The following FXN variants were observed in gnomAD, a reference collection of about 807,000 sequenced individuals.
FXN encodes the protein frataxin, mitochondrial.
FXN carries 14 observed loss-of-function variants against 22.4 expected under a neutral mutation model. That is an observed-to-expected ratio of 0.62 (90% CI 0.41 to 0.98). The LOEUF is 0.98. Ranked by LOEUF, FXN falls within the 50% of genes least tolerant of loss-of-function variation. The probability of loss-of-function intolerance (pLI) is 0.00; values close to 1 mark genes in which losing one functional copy is unlikely to be tolerated. For missense variants in FXN, 267 were observed against 268.4 expected, an observed-to-expected ratio of 0.99 and a Z score of 0.04; for synonymous variants, 120 against 114.1, an observed-to-expected ratio of 1.05 and a Z score of -0.33.
At chr9:69,068,542 C>G (rs1832216094) in intron 4 of FXN, among the ~76,000 whole-genome samples, 1 of 152,228 alleles carries the variant, frequency 6.6e-6, no homozygotes, top group African/African-American at 2.4e-5. Flanking sequence ...CCACGACATG[C>G]CAACTCAGCT....
chr9:69,067,929 G>T (rs567212428), intron 4 of FXN, among the ~76,000 whole-genome samples: 1 of 152,320 alleles, frequency 6.6e-6, no homozygotes, highest in East Asian at 1.9e-4. Flanking sequence ...TCAGAATAGA[G>T]TCAACAAGAA....
At chr9:69,037,590 G>C (rs1329936186) in intron 1 of FXN, among the ~76,000 whole-genome samples, 2 of 152,312 alleles carry the variant, frequency 1.3e-5, no homozygotes, top group Non-Finnish European at 2.9e-5. Context: ...TTATTACTTG[G>C]CTTCTGTGCA....
chr9:69,042,299 C>A (rs1028962126), intron 1 of FXN, among the ~76,000 whole-genome samples: 2 of 151,902 alleles, frequency 1.3e-5, no homozygotes, highest in African/African-American at 4.8e-5. Context: ...GCTTTGCCTC[C>A]CTCAAGCAGA....
intron 3 of FXN, among the ~76,000 whole-genome samples, chr9:69,063,287 T>C (rs1007651214): frequency 6.6e-6 from 1 of 152,210 alleles, no homozygotes; most frequent in African/African-American, 2.4e-5. Flanking sequence ...CTTCATCTTA[T>C]AGAAAGAACA....
At chr9:69,066,422 C>T (rs1458287555) in intron 4 of FXN, among the ~76,000 whole-genome samples, 1 of 152,126 alleles carries the variant, frequency 6.6e-6, no homozygotes, top group African/African-American at 2.4e-5. Flanking sequence ...AAGAAGTGTG[C>T]TAGAGTTCAA....
intron 1 of FXN, among the ~76,000 whole-genome samples, chr9:69,041,161 C>A (rs1831651264): frequency 6.6e-6 from 1 of 152,218 alleles, no homozygotes; most frequent in Non-Finnish European, 1.5e-5. Flanking sequence ...CTGGAGGAAT[C>A]TGCCAGCCCG....
chr9:69,053,507 G>GGATGGATGGATGGATGGATAGATA (rs1191286626), intron 3 of FXN, among the ~76,000 whole-genome samples: 1 of 150,664 alleles, frequency 6.6e-6, no homozygotes, highest in African/African-American at 2.5e-5. Flanking sequence ...ATGGATGGAT[G>GGATGGATGGATGGATGGATAGATA]GATAGATAGA....
At chr9:69,048,279 TG>T (rs1831795075) in intron 2 of FXN, among the ~76,000 whole-genome samples, 1 of 152,186 alleles carries the variant, frequency 6.6e-6, no homozygotes, top group African/African-American at 2.4e-5. Context: ...TCCCTTGTTT[TG>T]GCTCAATGGG....
At position 69,035,762 on chromosome 9, in the gene FXN, G is replaced by A. The variant is rs1172150715; in HGVS notation, c.-21G>A. Reference sequence around the variant, plus strand: ...AGCACCCAGCGCTGGAGGGCGGAGCGGGCGGCAGACCCGGAGCAGCATGTG... The same window carrying A: ...AGCACCCAGCGCTGGAGGGCGGAGCAGGCGGCAGACCCGGAGCAGCATGTG... On this transcript the variant is annotated 5_prime_UTR_variant, in exon 1 of 5. Coordinates refer to ENST00000484259, the MANE Select transcript of FXN (RefSeq NM_000144.5). The A allele has an allele frequency of 4.0e-6, 6 of 1,495,390 alleles. No homozygotes were observed. The highest frequency in any genetic ancestry group is 3.5e-6 in the Non-Finnish European group (4 of 1,127,918). The allele number at this position is 1,495,390 out of a possible 1,614,324, so 92.6% of individuals were successfully genotyped here. A position where few individuals can be genotyped will look rare whatever the true frequency, so the allele number is the denominator to read the frequency against.
intron 2 of FXN, among the ~76,000 whole-genome samples, chr9:69,048,912 CCA>C (rs1364295772): frequency 6.6e-6 from 1 of 152,198 alleles, no homozygotes; most frequent in Non-Finnish European, 1.5e-5. Flanking sequence ...ATTGACTTTG[CCA>C]CAGTCTCAAA....
chr9:69,055,836 C>A (rs901801812), intron 3 of FXN, among the ~76,000 whole-genome samples: 1 of 150,916 alleles, frequency 6.6e-6, no homozygotes, highest in Non-Finnish European at 1.5e-5. Context: ...GAAAAAGTCA[C>A]AAATATATTT....
At chr9:69,039,501 GC>G (rs1305724879) in intron 1 of FXN, among the ~76,000 whole-genome samples, 1 of 130,692 alleles carries the variant, frequency 7.7e-6, no homozygotes, top group Non-Finnish European at 1.8e-5. Context: ...CAGCCCCACA[GC>G]CCCCAGCCCC....
intron 2 of FXN, among the ~76,000 whole-genome samples, chr9:69,051,400 C>T (rs528004415): frequency 2.4e-4 from 37 of 151,850 alleles, no homozygotes; most frequent in Non-Finnish European, 5.1e-4. Context: ...GCTCTTGATA[C>T]GATCTGTCTC....
rs1392880712 is a variant in FXN at position 69,035,828 on chromosome 9, C to T, written c.46C>T (p.Pro16Ser). Residue 16 changes from proline to serine, a missense_variant, in exon 1 of 5, where the codon CCC becomes TCC. Transcript: ENST00000484259. The stretch of plus-strand genomic sequence containing the variant: ...CGCAGTAGCCGGCCTCCTGGCGTCA[C>T]CCAGCCCAGCCCAGGCCCAGACCCT... ...RRAVAGLLASPSPAQAQTLTR... is the reference protein window; with the variant it reads ...RRAVAGLLASSSPAQAQTLTR... 1.3e-6 allele frequency: 2 copies of T among 1,513,046 alleles called. No homozygotes were observed. Among genetic ancestry groups the T allele is most frequent in the East Asian group, 2.6e-5 (1 of 38,692 alleles). 93.7% of individuals were successfully genotyped at this position (1,513,046 alleles called of 1,614,324 possible).
chr9:69,043,343 C>T (rs1831691099), intron 1 of FXN: 1 of 152,180 alleles, frequency 6.6e-6, no homozygotes, highest in Admixed American at 6.5e-5. Flanking sequence ...ATGTTCCTTA[C>T]AGAGAAAATG....
At chr9:69,042,362 C>G (rs1268774365) in intron 1 of FXN, among the ~76,000 whole-genome samples, 1 of 152,054 alleles carries the variant, frequency 6.6e-6, no homozygotes. Context: ...TCACCTAGTT[C>G]TCCATTCTTT....
intron 3 of FXN, among the ~76,000 whole-genome samples, chr9:69,053,774 C>T (rs1831904613): frequency 6.6e-6 from 1 of 152,044 alleles, no homozygotes; most frequent in African/African-American, 2.4e-5. Context: ...AGATAACTGC[C>T]CAAAAGTTAT....
chr9:69,072,561 C>T lies in FXN; in HGVS notation c.483-51C>T, dbSNP rs534771399. The T allele has an allele frequency of 6.2e-6, 10 of 1,612,624 alleles. No homozygotes were observed. The South Asian group carries it at 1.1e-4, about 18-fold the overall frequency. On this transcript the variant is annotated intron_variant, in intron 4 of 4. Coordinates refer to ENST00000484259, the MANE Select transcript of FXN (RefSeq NM_000144.5). ...GGCAGCATTTGTGGAATCAGTGGTT[C>T]ATCTGAAGGGCTGTGCTGTGGAATT... is the stretch of plus-strand genomic sequence containing the variant.
rs1832303005 is a variant in FXN, at chr9:69,073,057, T to C, written c.*295T>C. On this transcript the variant is annotated 3_prime_UTR_variant, in exon 5 of 5. Coordinates refer to ENST00000484259, the MANE Select transcript of FXN (RefSeq NM_000144.5). ...TGCCTATACCTGAATATAACAACCT[T>C]TAAAAAAGCAAAATAATAAGAAGGA... The C allele has an allele frequency of 1.6e-6, 2 of 1,241,580 alleles. No homozygotes were observed. Among genetic ancestry groups the C allele is most frequent in the Non-Finnish European group, 2.0e-6 (2 of 988,844 alleles). 76.9% of individuals were successfully genotyped at this position (1,241,580 alleles called of 1,614,324 possible). A position where few individuals can be genotyped will look rare whatever the true frequency, so the allele number is the denominator to read the frequency against.
Sources: allele counts gnomAD v4.1 joint callset (sites outside exome capture counted in the v4.1 genomes callset), GRCh38; gene constraint gnomAD v4.1.1; transcripts MANE v1.5; gene names NCBI Gene and HGNC (gene_info 2026-07-23, HGNC 2026-07-21).